The following FAM13C variants were observed in gnomAD, a reference collection of about 807,000 sequenced individuals.
The protein encoded by FAM13C is family with sequence similarity 13 member C, also known as protein FAM13C.
In FAM13C, 37 loss-of-function variants were observed where a neutral mutation model predicts 73.2. That is an observed-to-expected ratio of 0.51 (90% CI 0.39 to 0.67). The LOEUF is 0.67. Ranked by LOEUF, FAM13C falls within the 30% of genes least tolerant of loss-of-function variation. The pLI is 0.00. For synonymous variants in FAM13C, 246 were observed against 260.9 expected (o/e 0.94, Z 0.55); for missense variants, 589 against 715.6 (o/e 0.82, Z 2.02).
At chr10:59,287,968 T>G (rs554501532) in intron 5 of FAM13C, among the ~76,000 whole-genome samples, 2 of 152,234 alleles carry the variant, frequency 1.3e-5, no homozygotes, top group South Asian at 4.2e-4. Context: ...GACTTCTAAG[T>G]CCCCTTACAA....
At chr10:59,257,410 C>T (rs188133374) in intron 10 of FAM13C, among the ~76,000 whole-genome samples, 103 of 152,352 alleles carry the variant, frequency 6.8e-4, no homozygotes, top group African/African-American at 2.4e-3. Context: ...ACTTCTACCA[C>T]CTTGTTTTCC....
intron 5 of FAM13C, among the ~76,000 whole-genome samples, chr10:59,292,502 G>A (rs1223415663): frequency 6.6e-6 from 1 of 152,194 alleles, no homozygotes; most frequent in Admixed American, 6.5e-5. Context: ...CTGGCTCATA[G>A]GCCATCTACT....
chr10:59,293,056 A>AC (rs1846452156), intron 5 of FAM13C, among the ~76,000 whole-genome samples: 1 of 109,768 alleles, frequency 9.1e-6, no homozygotes, highest in Non-Finnish European at 1.8e-5. Flanking sequence ...TGAGATCAAC[A>AC]TTTTTTCTTT....
At chr10:59,357,893 T>C (rs1200805868) in intron 1 of FAM13C, among the ~76,000 whole-genome samples, 1 of 152,224 alleles carries the variant, frequency 6.6e-6, no homozygotes, top group Non-Finnish European at 1.5e-5. Flanking sequence ...AACCATAATA[T>C]ACTGTTTATA....
intron 4 of FAM13C, among the ~76,000 whole-genome samples, chr10:59,305,827 A>G (rs1848189076): frequency 6.6e-6 from 1 of 152,242 alleles, no homozygotes; most frequent in African/African-American, 2.4e-5. Context: ...CAAGGGGAAA[A>G]AGAGGGTGAG....
At chr10:59,265,327 G>C (rs865994621) in intron 8 of FAM13C, among the ~76,000 whole-genome samples, 5 of 45,072 alleles carry the variant, frequency 1.1e-4, no homozygotes, top group Admixed American at 2.1e-4. Flanking sequence ...TTTGGCGGGG[G>C]GGGGGGGGAA....
chr10:59,359,965 G>A (rs963513038), intron 1 of FAM13C, among the ~76,000 whole-genome samples: 2 of 152,332 alleles, frequency 1.3e-5, no homozygotes, highest in Admixed American at 6.5e-5. Flanking sequence ...AGATGAAAAG[G>A]TGCCACAGAT....
At chr10:59,283,247 T>C in intron 6 of FAM13C, 116 bp downstream of exon 6, 1 of 1,097,382 alleles carries the variant, frequency 9.1e-7, no homozygotes, top group Non-Finnish European at 1.4e-6. Context: ...CCTCTTGGGC[T>C]TTCATGTTGC....
chr10:59,251,872 G>C (rs1170271369), intron 12 of FAM13C, among the ~76,000 whole-genome samples, 196 bp from the exon 13 acceptor site: 1 of 152,068 alleles, frequency 6.6e-6, no homozygotes, highest in East Asian at 1.9e-4. Flanking sequence ...TTACCTGATG[G>C]AAAAAATATC....
intron 6 of FAM13C, among the ~76,000 whole-genome samples, chr10:59,280,890 C>CTTT (rs1844854166): frequency 6.6e-6 from 1 of 152,088 alleles, no homozygotes; most frequent in South Asian, 2.1e-4. Flanking sequence ...TGAATTTATC[C>CTTT]TTTGAATGTT....
At chr10:59,344,266 T>C (rs1382591816) in intron 3 of FAM13C, among the ~76,000 whole-genome samples, 2 of 135,546 alleles carry the variant, frequency 1.5e-5, no homozygotes, top group Non-Finnish European at 3.2e-5. Context: ...CCGGCCTCTA[T>C]AAACTACTTC....
chr10:59,356,411 T>C (rs1053484918), intron 1 of FAM13C, among the ~76,000 whole-genome samples: 6 of 152,192 alleles, frequency 3.9e-5, no homozygotes, highest in Admixed American at 6.5e-5. Context: ...GGGTTCCTTT[T>C]CATAAAACTT....
chr10:59,267,632 G>A (rs1414715074), intron 8 of FAM13C, among the ~76,000 whole-genome samples: 2 of 152,100 alleles, frequency 1.3e-5, no homozygotes, highest in Non-Finnish European at 2.9e-5. Flanking sequence ...TGGGAAGCAG[G>A]ACAGGAAGAA....
intron 2 of FAM13C, among the ~76,000 whole-genome samples, chr10:59,353,140 G>A (rs1021335873): frequency 6.6e-6 from 1 of 152,204 alleles, no homozygotes; most frequent in Non-Finnish European, 1.5e-5. Context: ...TGAAGAAGAT[G>A]GAAGAGGGCG....
At chr10:59,338,562 A>G (rs544535308) in intron 3 of FAM13C, among the ~76,000 whole-genome samples, 1 of 152,354 alleles carries the variant, frequency 6.6e-6, no homozygotes, top group East Asian at 1.9e-4. Flanking sequence ...TGAGAAAGTC[A>G]GGCCGTAAGA....
At chr10:59,287,404 A>AT (rs1163034286) in intron 5 of FAM13C, among the ~76,000 whole-genome samples, 3 of 150,090 alleles carry the variant, frequency 2.0e-5, no homozygotes, top group Admixed American at 6.6e-5. Flanking sequence ...TATTTTAAGA[A>AT]TTTTTAAAAA....
At position 59,269,174 on chromosome 10, in the gene FAM13C, T is replaced by A. The variant is rs928230659; in HGVS notation, c.804-483A>T. Among the ~76,000 whole-genome samples the A allele has an allele frequency of 2.0e-5, 3 of 152,088 alleles. No individual in the cohort carries two copies. The East Asian group carries it at 5.8e-4, about 29-fold the overall frequency. The stretch of plus-strand genomic sequence containing the variant: ...CACACTTTACATGCAATGCCAATAA[T>A]TCACTAACTCTTTCAGGTCCATCGA... On this transcript the variant is annotated intron_variant, in intron 7 of 13. Transcript: ENST00000618804.
At chr10:59,306,899 T>C (rs369641369) in intron 4 of FAM13C, among the ~76,000 whole-genome samples, 3 of 151,978 alleles carry the variant, frequency 2.0e-5, no homozygotes, top group Non-Finnish European at 4.4e-5. Flanking sequence ...AAAAGAATAA[T>C]GGTGGTGAGA....
intron 9 of FAM13C, 57 bp from the exon 10 acceptor site, chr10:59,262,702 GGAGA>G: frequency 6.9e-7 from 1 of 1,453,396 alleles, no homozygotes; most frequent in South Asian, 1.2e-5. Context: ...TTCTAAGAAT[GGAGA>G]GACTTTCAGG....
Sources: allele counts gnomAD v4.1 joint callset (sites outside exome capture counted in the v4.1 genomes callset), GRCh38; gene constraint gnomAD v4.1.1; transcripts MANE v1.5; gene names NCBI Gene and HGNC (gene_info 2026-07-23, HGNC 2026-07-21).